TRPC4AP: variants seen among roughly 807,000 people sequenced by gnomAD.
TRPC4AP encodes transient receptor potential cation channel subfamily C member 4 associated protein, also known as short transient receptor potential channel 4-associated protein.
A neutral mutation model predicts 99.0 loss-of-function variants in TRPC4AP; 45 were observed. That is an observed-to-expected ratio of 0.45 (90% confidence interval 0.36 to 0.58). The LOEUF is 0.58. Among genes scored for constraint, TRPC4AP ranks in the 20% least tolerant of loss-of-function variants. The pLI, the probability that TRPC4AP is intolerant of heterozygous loss-of-function variation, is 0.00. For missense variants in TRPC4AP, 879 were observed against 985.3 expected (o/e 0.89, Z 1.44); for synonymous variants, 408 against 385.8 (o/e 1.06, Z -0.67).
intron 13 of TRPC4AP, among the ~76,000 whole-genome samples, chr20:35,008,068 T>A (rs1011832833): frequency 6.6e-6 from 1 of 152,288 alleles, no homozygotes; most frequent in East Asian, 1.9e-4. Flanking sequence ...GAAGTAGTGG[T>A]TGATGCTGAC....
At chr20:35,057,380 G>T in intron 4 of TRPC4AP, 134 bp downstream of exon 4, 1 of 683,554 alleles carries the variant, frequency 1.5e-6, no homozygotes, top group Non-Finnish European at 2.5e-6. Flanking sequence ...GGAGGAGAGA[G>T]CAACCTGTAG....
intron 3 of TRPC4AP, among the ~76,000 whole-genome samples, chr20:35,065,922 TA>T (rs2084132267): frequency 6.6e-6 from 1 of 152,168 alleles, no homozygotes; most frequent in South Asian, 2.1e-4. Context: ...GCCAAGTAAG[TA>T]AATGCCCTAG....
chr20:35,049,779 A>T, intron 6 of TRPC4AP, 87 bp downstream of exon 6: 2 of 1,426,290 alleles, frequency 1.4e-6, no homozygotes, highest in Non-Finnish European at 1.9e-6. Context: ...ACTTTCTTTT[A>T]AAAAAGCTCT....
intron 6 of TRPC4AP, among the ~76,000 whole-genome samples, chr20:35,047,315 C>T (rs1041692955): frequency 2.0e-5 from 3 of 152,280 alleles, no homozygotes; most frequent in African/African-American, 7.2e-5. Context: ...CATTTAAAAA[C>T]TAGTTTTATC....
intron 12 of TRPC4AP, among the ~76,000 whole-genome samples, chr20:35,009,263 C>T (rs1316940333): frequency 3.3e-5 from 5 of 152,146 alleles, no homozygotes; most frequent in African/African-American, 7.2e-5. Context: ...GGGGTCTGGG[C>T]CCTTCAAACA....
rs2147277363 is a variant in TRPC4AP at position 35,012,869 on chromosome 20, CT to C, written c.1409+138del. On this transcript the variant is annotated intron_variant, in intron 11 of 18. Coordinates refer to ENST00000252015, the MANE Select transcript of TRPC4AP (RefSeq NM_015638.3). ...GGGAGGTCCGACTGCAGTGTCACAC[CT>C]GCTAACACTGAGGGGACAGTGGGCT... The C allele has an allele frequency of 3.8e-6, 3 of 796,120 alleles. No homozygotes were observed. In the Admixed American group the frequency reaches 6.7e-5, roughly 18 times the overall value. 49.3% of individuals were successfully genotyped at this position (796,120 alleles called of 1,614,324 possible).
intron 12 of TRPC4AP, among the ~76,000 whole-genome samples, chr20:35,009,356 GA>G (rs1600502908): frequency 1.3e-5 from 2 of 151,926 alleles, no homozygotes; most frequent in Admixed American, 6.6e-5. Flanking sequence ...TGCTACCTTA[GA>G]AAAAAAAGAT....
At position 35,035,315 on chromosome 20, in the gene TRPC4AP, G is replaced by C; in HGVS notation, c.866-7C>G. On this transcript the variant is annotated splice_region_variant and splice_polypyrimidine_tract_variant and intron_variant, in intron 7 of 18. Coordinates refer to ENST00000252015, the MANE Select transcript of TRPC4AP (RefSeq NM_015638.3). ...GGAATGCTGAGAAGGGCCGCTGCCA[G>C]GGAAAGAACAAGCGAGGAAATTTTC... 6.2e-7 allele frequency: 1 copy of C among 1,611,948 alleles called. No individual in the cohort carries two copies. Among genetic ancestry groups the C allele is most frequent in the Non-Finnish European group, 8.5e-7 (1 of 1,178,898 alleles).
chr20:35,016,450 G>A (rs1033858123), intron 9 of TRPC4AP, among the ~76,000 whole-genome samples: 2 of 152,188 alleles, frequency 1.3e-5, no homozygotes, highest in Non-Finnish European at 2.9e-5. Context: ...GGATGCAAGA[G>A]TCCTGGGTTT....
intron 6 of TRPC4AP, among the ~76,000 whole-genome samples, chr20:35,047,497 T>TC (rs2083587667): frequency 6.6e-6 from 1 of 152,236 alleles, no homozygotes; most frequent in African/African-American, 2.4e-5. Flanking sequence ...AGTACATTCA[T>TC]CCCTTCTCCT....
chr20:35,047,553 C>G (rs892417887), intron 6 of TRPC4AP, among the ~76,000 whole-genome samples: 3 of 152,130 alleles, frequency 2.0e-5, no homozygotes, highest in African/African-American at 7.2e-5. Context: ...TCTGAAACAA[C>G]GAAGCTACAA....
At chr20:35,049,619 TCA>T (rs922849060) in intron 6 of TRPC4AP, among the ~76,000 whole-genome samples, 83 of 152,332 alleles carry the variant, frequency 5.4e-4, no homozygotes, top group African/African-American at 2.0e-3. Context: ...CACCCTACAT[TCA>T]CAGAGTCAAT....
intron 2 of TRPC4AP, among the ~76,000 whole-genome samples, chr20:35,074,435 C>T (rs2084415835): frequency 6.6e-6 from 1 of 152,216 alleles, no homozygotes; most frequent in African/African-American, 2.4e-5. Context: ...CTACACACTG[C>T]TTTAAATGTG....
intron 14 of TRPC4AP, 57 bp from the exon 15 acceptor site, chr20:35,006,632 G>C (rs868595645): frequency 6.3e-7 from 1 of 1,591,448 alleles, no homozygotes; most frequent in African/African-American, 1.3e-5. Context: ...CCAGGGCCTG[G>C]CATGGAGCTC....
intron 3 of TRPC4AP, among the ~76,000 whole-genome samples, chr20:35,063,196 G>C (rs1331691149): frequency 6.6e-6 from 1 of 152,196 alleles, no homozygotes; most frequent in Non-Finnish European, 1.5e-5. Flanking sequence ...TGTGAAGAAG[G>C]TGCCTGCTTC....
intron 1 of TRPC4AP, among the ~76,000 whole-genome samples, chr20:35,087,144 A>G (rs1021546589): frequency 1.3e-5 from 2 of 150,152 alleles, no homozygotes; most frequent in African/African-American, 2.5e-5. Context: ...CCTGGCTAAC[A>G]CGGTGAAACC....
intron 3 of TRPC4AP, among the ~76,000 whole-genome samples, chr20:35,063,335 C>T (rs1271133955): frequency 2.0e-5 from 3 of 152,132 alleles, no homozygotes; most frequent in South Asian, 2.1e-4. Context: ...AGCATGAGAA[C>T]GGACTGACAG....
intron 6 of TRPC4AP, 50 bp downstream of exon 6, chr20:35,049,816 A>G (rs370895543): frequency 9.6e-6 from 15 of 1,560,246 alleles, no homozygotes; most frequent in Non-Finnish European, 1.2e-5. Context: ...TGAGAATCCA[A>G]TGGTCTGAGA....
At chr20:35,036,534 A>C (rs2083322997) in intron 7 of TRPC4AP, among the ~76,000 whole-genome samples, 1 of 152,238 alleles carries the variant, frequency 6.6e-6, no homozygotes, top group Non-Finnish European at 1.5e-5. Flanking sequence ...TACGTTTCTT[A>C]AAAGTCGTTA....
Sources: allele counts gnomAD v4.1 joint callset (sites outside exome capture counted in the v4.1 genomes callset), GRCh38; gene constraint gnomAD v4.1.1; transcripts MANE v1.5; gene names NCBI Gene and HGNC (gene_info 2026-07-23, HGNC 2026-07-21).